The following ZER1 variants were observed in gnomAD, a reference collection of about 807,000 sequenced individuals.
ZER1 encodes zyg-11 related cell cycle regulator, also known as protein zer-1 homolog.
ZER1 carries 11 observed loss-of-function variants against 78.8 expected under a neutral mutation model. That is an observed-to-expected ratio of 0.14 (90% CI 0.09 to 0.23). The LOEUF is 0.23. ZER1 is among the 10% of genes least tolerant of loss of function. ZER1 has a pLI of 1.00. For synonymous variants in ZER1, 400 were observed against 407.0 expected (o/e 0.98, Z 0.21); for missense variants, 588 against 996.9 (o/e 0.59, Z 5.52).
chr9:128,767,293 C>T (rs1238949654), intron 1 of ZER1, among the ~76,000 whole-genome samples: 1 of 151,990 alleles, frequency 6.6e-6, no homozygotes, highest in East Asian at 1.9e-4. Context: ...GTCACCCAGG[C>T]TGGAGTGCAG....
intron 8 of ZER1, among the ~76,000 whole-genome samples, chr9:128,744,078 T>C (rs1234707594): frequency 6.6e-6 from 1 of 151,844 alleles, no homozygotes; most frequent in Admixed American, 6.6e-5. Context: ...TTTGTATTTT[T>C]AGTAGAGATG....
At chr9:128,738,363 T>C (rs1401942527) in intron 13 of ZER1, among the ~76,000 whole-genome samples, 2 of 144,478 alleles carry the variant, frequency 1.4e-5, no homozygotes, top group Admixed American at 7.1e-5. Flanking sequence ...TTTCTTGTTT[T>C]TTTAATTTAT....
chr9:128,742,504 A>G lies in ZER1; in HGVS notation c.1575+26T>C. 3 of 1,607,800 alleles carry G rather than the reference A, an allele frequency of 1.9e-6. No individual in the cohort carries two copies. In the South Asian group the frequency reaches 3.3e-5, roughly 18 times the overall value. On this transcript the variant is annotated intron_variant, in intron 9 of 15. Transcript: ENST00000291900. ...GGGGAGAGCAGTGAGGCTCAGGAGG[A>G]AGGGGGCAGCGCCCCCCACACGTAC... is the stretch of plus-strand genomic sequence containing the variant.
chr9:128,744,812 T>C (rs1291589569), intron 8 of ZER1, among the ~76,000 whole-genome samples: 1 of 152,220 alleles, frequency 6.6e-6, no homozygotes, highest in African/African-American at 2.4e-5. Flanking sequence ...TTCTATAGGT[T>C]TGCAAGATTA....
chr9:128,747,517 G>A (rs1863532444), intron 8 of ZER1, among the ~76,000 whole-genome samples: 1 of 145,698 alleles, frequency 6.9e-6, no homozygotes, highest in African/African-American at 2.8e-5. Context: ...GCATCTAGAG[G>A]AGGAGAGGTG....
chr9:128,735,256 C>T, intron 14 of ZER1, 78 bp downstream of exon 14: 1 of 1,334,494 alleles, frequency 7.5e-7, no homozygotes, highest in Non-Finnish European at 1.0e-6. Flanking sequence ...ATGCCCCCCT[C>T]CTGGACTACA....
intron 9 of ZER1, among the ~76,000 whole-genome samples, chr9:128,742,042 G>A (rs1013212127): frequency 5.3e-5 from 8 of 152,236 alleles, no homozygotes; most frequent in African/African-American, 1.9e-4. Context: ...AGGCCCGGGT[G>A]CCGTTCCTGG....
At position 128,752,813 on chromosome 9, in the gene ZER1, G is replaced by A; in HGVS notation, c.783C>T (p.Tyr261=). ...LDISRDRLSS[Y]YKFKLTREVL... Reference sequence around the variant, plus strand: ...CCTCCCGAGTCAGCTTGAACTTGTAGTAGCTGGAGAGGCGGTCTCGGGAGA... The same window carrying A: ...CCTCCCGAGTCAGCTTGAACTTGTAATAGCTGGAGAGGCGGTCTCGGGAGA... The change falls in exon 5 of 16, where the codon TAC becomes TAT. Residue 261 remains tyrosine, a synonymous_variant. Transcript: ENST00000291900. 4 of 1,614,194 alleles carry A rather than the reference G, an allele frequency of 2.5e-6. No homozygotes were observed. The highest frequency in any genetic ancestry group is 3.4e-6 in the Non-Finnish European group (4 of 1,180,030).
At chr9:128,750,579 G>T in intron 8 of ZER1, 37 bp downstream of exon 8, 1 of 1,605,214 alleles carries the variant, frequency 6.2e-7, no homozygotes. Flanking sequence ...GGGTGGCTGG[G>T]CCAGAGCATG....
rs1045108863 is a variant in ZER1 at position 128,754,424 on chromosome 9, C to T, written c.159-465G>A. ...AAGAATCCTGGTCTGCTGGGAAATG[C>T]TTTGGATTCAAACGCTTTAGACTCT... On this transcript the variant is annotated intron_variant, in intron 2 of 15. Coordinates refer to ENST00000291900, the MANE Select transcript of ZER1 (RefSeq NM_006336.4). The surrounding 1 kb of genome is among the most constrained non-coding windows in gnomAD (Gnocchi z 4.3). 3.3e-5 allele frequency among the ~76,000 whole-genome samples: 5 copies of T among 152,210 alleles called. No individual in the cohort carries two copies. The highest frequency in any genetic ancestry group is 1.2e-4 in the African/African-American group (5 of 41,462).
chr9:128,733,246 A>G (rs745802856), intron 15 of ZER1, 180 bp downstream of exon 15: 5 of 532,204 alleles, frequency 9.4e-6, no homozygotes, highest in Non-Finnish European at 1.4e-5. Flanking sequence ...TCCAGCCACA[A>G]TGTGGTCGAG....
chr9:128,740,650 A>T lies in ZER1; in HGVS notation c.1853+122T>A. On this transcript the variant is annotated intron_variant, in intron 12 of 15. Transcript: ENST00000291900. The surrounding 1 kb of genome is among the most constrained non-coding windows in gnomAD (Gnocchi z 4.4). ...GATTGAATGAATAAGAAACCACATT[A>T]TCGAGGGAAAATGACATTTATAGCA... 1 of 615,792 alleles carries T rather than the reference A, an allele frequency of 1.6e-6. No individual in the cohort carries two copies. Among genetic ancestry groups the T allele is most frequent in the East Asian group, 2.7e-5 (1 of 37,016 alleles). The allele number at this position is 615,792 out of a possible 1,614,324, so 38.1% of individuals were successfully genotyped here.
intron 8 of ZER1, among the ~76,000 whole-genome samples, chr9:128,746,582 G>A (rs2132428174): frequency 6.7e-6 from 1 of 150,174 alleles, no homozygotes; most frequent in South Asian, 2.1e-4. Context: ...TCCCACCTCG[G>A]CCTCCGAGTA....
chr9:128,732,975 C>T lies in ZER1; in HGVS notation c.2243+451G>A, dbSNP rs556157144. 7.0e-5 allele frequency: 11 copies of T among 157,192 alleles called. No homozygotes were observed. Among genetic ancestry groups the T allele is most frequent in the Non-Finnish European group, 9.9e-5 (7 of 70,758 alleles). The allele number at this position is 157,192 out of a possible 1,614,324, so 9.7% of individuals were successfully genotyped here. On this transcript the variant is annotated intron_variant, in intron 15 of 15. Transcript: ENST00000291900. The surrounding 1 kb of genome is among the most constrained non-coding windows in gnomAD (Gnocchi z 4.8). ...TGCTGCAGTGAAAGCCACAGAGCCA[C>T]GGAAGGCCGAGACTCCACCATGTTT...
At position 128,731,358 on chromosome 9, in the gene ZER1, C is replaced by T; in HGVS notation, c.2280G>A (p.Glu760=). 1 of 1,610,546 alleles carries T rather than the reference C, an allele frequency of 6.2e-7. No homozygotes were observed. Among genetic ancestry groups the T allele is most frequent in the Non-Finnish European group, 8.5e-7 (1 of 1,178,324 alleles). ...GCCTCTATCTAGACGTGTCCATGTT[C>T]TCCTCTTTAAAGTTACTGCAGTGCT... The part of the protein sequence containing the change: ...VIEHCSNFKE[E]NMDTSR The change falls in exon 16 of 16, where the codon GAG becomes GAA. Residue 760 remains glutamate, a synonymous_variant. Transcript: ENST00000291900.
intron 8 of ZER1, among the ~76,000 whole-genome samples, chr9:128,745,190 T>G (rs1863444968): frequency 6.6e-6 from 1 of 150,972 alleles, no homozygotes; most frequent in Admixed American, 6.6e-5. Flanking sequence ...TGCTTATTGA[T>G]TTGTTTGGGT....
chr9:128,736,983 A>C (rs1314309446), intron 13 of ZER1, among the ~76,000 whole-genome samples: 1 of 151,908 alleles, frequency 6.6e-6, no homozygotes, highest in African/African-American at 2.4e-5. Context: ...GTCTCCACTA[A>C]AGTACAAAAA....
Position 128,735,367 on chromosome 9 carries a change from T to A in ZER1, c.2107A>T (p.Thr703Ser), listed in dbSNP as rs771591769. 12 of 1,613,924 alleles carry A rather than the reference T, an allele frequency of 7.4e-6. No individual in the cohort carries two copies. Among genetic ancestry groups the A allele is most frequent in the Admixed American group, 1.7e-5 (1 of 59,966 alleles). Residue 703 changes from threonine (T) to serine (S), a missense_variant, in exon 14 of 16, where the codon ACC becomes TCC. Thr to Ser is a moderately conservative substitution (Grantham distance 58). Transcript: ENST00000291900. ...GISPVSQHWA[T>S]WALYNLVSVY... ...GACACGAGGTTATACAGGGCCCAGG[T>A]TGCCCAGTGCTGGCTGACAGGAGAG... is the stretch of plus-strand genomic sequence containing the variant.
intron 14 of ZER1, among the ~76,000 whole-genome samples, chr9:128,734,228 ACT>A (rs1862978244): frequency 7.9e-6 from 1 of 125,818 alleles, no homozygotes. Flanking sequence ...ACAGAGTCTC[ACT>A]CTGTCACCCA....
Sources: allele counts gnomAD v4.1 joint callset (sites outside exome capture counted in the v4.1 genomes callset), GRCh38; gene constraint gnomAD v4.1.1; non-coding constraint Gnocchi (gnomAD v3.1); transcripts MANE v1.5; gene names NCBI Gene and HGNC (gene_info 2026-07-23, HGNC 2026-07-21).